The following MGAM variants were observed in gnomAD, a reference collection of about 807,000 sequenced individuals.
The protein encoded by MGAM is alpha-1,4-glucosidase.
A neutral mutation model predicts 358.8 loss-of-function variants in MGAM; 253 were observed. The observed-to-expected ratio is 0.71, with a 90% CI of 0.64 to 0.78. The LOEUF (loss-of-function observed/expected upper bound fraction) is 0.78, where lower values mean the gene tolerates loss of function less well. Ranked by LOEUF, MGAM falls within the 30% of genes least tolerant of loss-of-function variation. The probability of loss-of-function intolerance (pLI) is 0.00; values close to 1 mark genes in which losing one functional copy is unlikely to be tolerated. For synonymous variants in MGAM, 1,105 were observed against 1,227.1 expected (o/e 0.90, Z 2.08); for missense variants, 3,080 against 3,432.6 (o/e 0.90, Z 2.57).
chr7:142,015,584 C>T (rs533090714), intron 3 of MGAM, among the ~76,000 whole-genome samples: 3 of 151,408 alleles, frequency 2.0e-5, no homozygotes, highest in East Asian at 3.9e-4. Flanking sequence ...GAATTTCTAC[C>T]GAGACAATAT....
At chr7:142,068,798 A>T in intron 43 of MGAM, 95 bp downstream of exon 43, 13 of 1,053,444 alleles carry the variant, frequency 1.2e-5, no homozygotes, top group Non-Finnish European at 1.7e-5. Context: ...CTGGCTCTGT[A>T]ACCCACCTGC....
At chr7:142,064,294 T>G in intron 36 of MGAM, 90 bp from the exon 37 acceptor site, 1 of 1,531,292 alleles carries the variant, frequency 6.5e-7, no homozygotes. Flanking sequence ...CTGAAGTTAG[T>G]CTTAAGATCC....
chr7:142,044,462 GAT>G lies in MGAM; in HGVS notation c.2499-3318_2499-3317del, dbSNP rs1208785008. On this transcript the variant is annotated intron_variant, in intron 21 of 70. Coordinates refer to ENST00000475668, the MANE Select transcript of MGAM (RefSeq NM_001365693.1). ...TATAATGAATATTATATACACATAC[GAT>G]ATATGATATATAATGTATATTATAT... 1.5e-5 allele frequency among the ~76,000 whole-genome samples: 2 copies of G among 133,326 alleles called. 1 individual carries two copies. The highest frequency in any genetic ancestry group is 5.4e-5 in the African/African-American group (2 of 36,904). 87.5% of individuals were successfully genotyped at this position (133,326 alleles called of 152,430 possible). A position where few individuals can be genotyped will look rare whatever the true frequency, so the allele number is the denominator to read the frequency against.
intron 27 of MGAM, among the ~76,000 whole-genome samples, chr7:142,055,252 G>A (rs1250822911): frequency 6.6e-6 from 1 of 152,142 alleles, no homozygotes; most frequent in East Asian, 1.9e-4. Context: ...ACTGAGGGGT[G>A]CAAGGATGGA....
intron 8 of MGAM, among the ~76,000 whole-genome samples, chr7:142,025,579 T>A (rs1806890025): frequency 6.6e-6 from 1 of 152,182 alleles, no homozygotes; most frequent in Non-Finnish European, 1.5e-5. Flanking sequence ...GATCCATACC[T>A]TTTCTTAATT....
At chr7:142,002,465 C>G (rs1053957366) in intron 1 of MGAM, among the ~76,000 whole-genome samples, 1 of 151,984 alleles carries the variant, frequency 6.6e-6, no homozygotes, top group Admixed American at 6.6e-5. Context: ...GAATTAAAAA[C>G]AAAACCCATA....
intron 44 of MGAM, among the ~76,000 whole-genome samples, chr7:142,073,831 TTGCAGTGCCTCTGG>T (rs1388588438): frequency 1.4e-5 from 2 of 146,226 alleles, no homozygotes; most frequent in African/African-American, 4.9e-5. Context: ...ATTTGAGCTA[TTGCAGTGCCTCTGG>T]TGCTTAAATT....
chr7:142,006,223 T>C (rs1299421727), intron 2 of MGAM, among the ~76,000 whole-genome samples: 3 of 152,068 alleles, frequency 2.0e-5, no homozygotes, highest in Non-Finnish European at 4.4e-5. Context: ...TTATAGATTT[T>C]TTTTTAAGAT....
At chr7:142,079,387 A>T (rs182115515) in intron 49 of MGAM, among the ~76,000 whole-genome samples, 1 of 145,710 alleles carries the variant, frequency 6.9e-6, no homozygotes, top group East Asian at 2.0e-4. Context: ...GATTGAAAGC[A>T]GGCGACAATG....
At chr7:141,994,604 T>C (rs573608079), upstream of MGAM, among the ~76,000 whole-genome samples, 32 of 152,204 alleles carry the variant, frequency 2.1e-4, no homozygotes, top group Non-Finnish European at 4.1e-4. Context: ...GGTTAGGCTT[T>C]GTGTCAGAAC....
intron 37 of MGAM, 43 bp downstream of exon 37, chr7:142,064,565 G>A (rs377586444): frequency 4.5e-5 from 70 of 1,551,788 alleles, no homozygotes; most frequent in East Asian, 3.6e-4. Flanking sequence ...AACCTATAGC[G>A]ATTGCCAGTG....
chr7:142,098,813 G>A (rs1406395019), intron 66 of MGAM, among the ~76,000 whole-genome samples: 1 of 152,142 alleles, frequency 6.6e-6, no homozygotes, highest in Non-Finnish European at 1.5e-5. Flanking sequence ...AAGAAATCAT[G>A]GAGCAAGCTA....
chr7:142,021,456 T>TAATGAGTACATCTACCTAAG (rs1270550572), intron 5 of MGAM, 130 bp from the exon 6 acceptor site: 2 of 910,338 alleles, frequency 2.2e-6, no homozygotes, highest in East Asian at 5.3e-5. Context: ...TTTGGTAACA[T>TAATGAGTACATCTACCTAAG]AATGAGTACA....
rs1383185188 is a variant in MGAM, at chr7:142,090,442, T to C, written c.6811-1471T>C. ...ATTCTCTTTGTCAGGTTTCCTAGCTTCTACCTCCATTTCCTAACAAAAGGC... is the reference window on the plus strand; with the variant it reads ...ATTCTCTTTGTCAGGTTTCCTAGCTCCTACCTCCATTTCCTAACAAAAGGC... On this transcript the variant is annotated intron_variant, in intron 57 of 70. Transcript: ENST00000475668. Among the ~76,000 whole-genome samples, 53 of 145,968 alleles carry C rather than the reference T, an allele frequency of 3.6e-4. 8 individuals are homozygous for C. The highest frequency in any genetic ancestry group is 6.5e-4 in the Non-Finnish European group (42 of 64,424).
At chr7:142,046,895 A>G (rs556569002) in intron 21 of MGAM, among the ~76,000 whole-genome samples, 1 of 152,168 alleles carries the variant, frequency 6.6e-6, no homozygotes, top group South Asian at 2.1e-4. Flanking sequence ...TATAATATTT[A>G]AGGTCGTTCA....
chr7:142,020,843 T>C (rs1852508), intron 4 of MGAM, 131 bp from the exon 5 acceptor site: 354,383 of 664,014 alleles, frequency 0.53, 97,415 homozygotes, highest in East Asian at 0.78. Context: ...CCACCTGCCT[T>C]GGCCTCCCAA....
intron 21 of MGAM, among the ~76,000 whole-genome samples, chr7:142,044,300 CTATAT>C (rs1376179818): frequency 4.7e-5 from 2 of 42,588 alleles, no homozygotes; most frequent in Admixed American, 4.2e-4. Flanking sequence ...ATAATATATA[CTATAT>C]ATAATATACA....
chr7:142,104,738 C>T (rs761823793), intron 70 of MGAM, among the ~76,000 whole-genome samples: 3 of 152,006 alleles, frequency 2.0e-5, no homozygotes, highest in Non-Finnish European at 4.4e-5. Flanking sequence ...CTATGGTTGT[C>T]GATTACAAGA....
intron 5 of MGAM, 29 bp from the exon 6 acceptor site, chr7:142,021,557 G>C (rs782711890): frequency 1.2e-6 from 2 of 1,606,148 alleles, no homozygotes; most frequent in Non-Finnish European, 1.7e-6. Context: ...TTTTATTTTG[G>C]CTTTCCTTCT....
Sources: gnomAD v4.1 joint callset for allele counts (sites outside exome capture counted in the v4.1 genomes callset) on GRCh38, gnomAD v4.1.1 for gene constraint, MANE v1.5 for transcripts, NCBI Gene and HGNC (gene_info 2026-07-23, HGNC 2026-07-21) for gene names.